The following RASAL2 variants were observed in gnomAD, a reference collection of about 807,000 sequenced individuals.
The protein encoded by RASAL2 is ras GTPase-activating protein nGAP.
RASAL2 carries 58 observed loss-of-function variants against 128.9 expected under a neutral mutation model. The observed-to-expected ratio is 0.45, with a 90% CI of 0.36 to 0.56. The LOEUF (loss-of-function observed/expected upper bound fraction) is 0.56. Ranked by LOEUF, RASAL2 falls within the 20% of genes least tolerant of loss-of-function variation. RASAL2 has a pLI of 0.00. For missense variants in RASAL2, 1,360 were observed against 1,601.6 expected, an observed-to-expected ratio of 0.85 and a Z score of 2.57; for synonymous variants, 561 against 580.8, an observed-to-expected ratio of 0.97 and a Z score of 0.49.
intron 1 of RASAL2, among the ~76,000 whole-genome samples, chr1:178,164,506 C>CGTGTGTGTGTGT (rs3040802): frequency 3.4e-5 from 3 of 89,400 alleles, no homozygotes; most frequent in Non-Finnish European, 7.8e-5. Context: ...TGTGTGTGTG[C>CGTGTGTGTGTGT]GTGTGTGTGT....
chr1:178,453,504 C>A (rs1677537571), intron 11 of RASAL2, among the ~76,000 whole-genome samples: 1 of 151,736 alleles, frequency 6.6e-6, no homozygotes, highest in Admixed American at 6.6e-5. Flanking sequence ...ATTGTATATT[C>A]TTTCAACTTT....
chr1:178,269,951 C>T (rs1227180284), intron 1 of RASAL2, among the ~76,000 whole-genome samples: 2 of 152,112 alleles, frequency 1.3e-5, no homozygotes, highest in African/African-American at 4.8e-5. Context: ...GGTATTTTTC[C>T]TGATTAGCAG....
In RASAL2 at chr1:178,475,137, G is replaced by C. The variant is rs554988248; in HGVS notation, c.*1898G>C. 6.6e-6 allele frequency: 1 copy of C among 152,256 alleles called. No homozygotes were observed. The highest frequency in any genetic ancestry group is 2.1e-4 in the South Asian group (1 of 4,820). 9.4% of individuals were successfully genotyped at this position (152,256 alleles called of 1,614,324 possible). The stretch of plus-strand genomic sequence containing the variant: ...CTTACGTTTCAGCAACCTCACCATG[G>C]CCACATAACCCACAACCTTTTAAAA... On this transcript the variant is annotated 3_prime_UTR_variant, in exon 18 of 18. Transcript: ENST00000367649.
chr1:178,395,679 A>G (rs1432189860), intron 4 of RASAL2, among the ~76,000 whole-genome samples: 1 of 151,608 alleles, frequency 6.6e-6, no homozygotes, highest in African/African-American at 2.4e-5. Flanking sequence ...AAGACTCTCT[A>G]TCCGTGTTTC....
At chr1:178,374,152 A>C (rs1049467473) in intron 3 of RASAL2, among the ~76,000 whole-genome samples, 9 of 152,148 alleles carry the variant, frequency 5.9e-5, no homozygotes, top group African/African-American at 2.2e-4. Context: ...CCATCTGTGG[A>C]TAAACAGGAA....
chr1:178,384,916 T>C (rs1050848294), intron 3 of RASAL2, among the ~76,000 whole-genome samples: 1 of 152,168 alleles, frequency 6.6e-6, no homozygotes, highest in Admixed American at 6.5e-5. Flanking sequence ...TATGCAAATA[T>C]TATATGGCAT....
chr1:178,379,207 G>T (rs1050266578), intron 3 of RASAL2, among the ~76,000 whole-genome samples: 3 of 152,114 alleles, frequency 2.0e-5, no homozygotes, highest in African/African-American at 7.2e-5. Context: ...AATTAGGCCT[G>T]TGACCTGTAA....
chr1:178,463,540 G>A (rs569835959), intron 14 of RASAL2, among the ~76,000 whole-genome samples: 1 of 152,252 alleles, frequency 6.6e-6, no homozygotes, highest in South Asian at 2.1e-4. Context: ...TAGGAAAATA[G>A]ACTACCCAGT....
chr1:178,391,161 G>A, intron 4 of RASAL2, among the ~76,000 whole-genome samples: 1 of 152,118 alleles, frequency 6.6e-6, no homozygotes, highest in East Asian at 1.9e-4. Flanking sequence ...TGTAATCCTA[G>A]CATTTTTGGG....
intron 1 of RASAL2, among the ~76,000 whole-genome samples, chr1:178,196,365 A>G (rs1662659335): frequency 6.6e-6 from 1 of 152,212 alleles, no homozygotes; most frequent in Non-Finnish European, 1.5e-5. Flanking sequence ...AAAGATTAAA[A>G]TTCAGAATAA....
At chr1:178,230,010 T>C (rs1388052052) in intron 1 of RASAL2, among the ~76,000 whole-genome samples, 2 of 152,164 alleles carry the variant, frequency 1.3e-5, no homozygotes, top group Admixed American at 1.3e-4. Flanking sequence ...TTTTCTATTA[T>C]AGATTAGTTT....
At chr1:178,099,306 G>A (rs1571469180) in intron 1 of RASAL2, among the ~76,000 whole-genome samples, 1 of 152,202 alleles carries the variant, frequency 6.6e-6, no homozygotes, top group Non-Finnish European at 1.5e-5. Flanking sequence ...GCTTGTTGAT[G>A]TATTAGTTTC....
intron 3 of RASAL2, among the ~76,000 whole-genome samples, chr1:178,342,322 T>C (rs1187889830): frequency 1.3e-5 from 2 of 152,228 alleles, no homozygotes; most frequent in African/African-American, 4.8e-5. Context: ...AGAATTGAAA[T>C]GAAAACCCAG....
At chr1:178,391,312 A>T (rs1184521125) in intron 4 of RASAL2, among the ~76,000 whole-genome samples, 2 of 152,212 alleles carry the variant, frequency 1.3e-5, no homozygotes, top group African/African-American at 4.8e-5. Context: ...CTATTTTTTT[A>T]AAAAGTGGAA....
At position 178,180,644 on chromosome 1, in the gene RASAL2, G is replaced by GT. The variant is rs1346435546; in HGVS notation, c.202+85951dup. Among the ~76,000 whole-genome samples, 26 of 128,878 alleles carry GT rather than the reference G, an allele frequency of 2.0e-4. No individual in the cohort carries two copies. In the Admixed American group the frequency reaches 2.1e-3, roughly 10 times the overall value. 84.5% of individuals were successfully genotyped at this position (128,878 alleles called of 152,430 possible). A position where few individuals can be genotyped will look rare whatever the true frequency, so the allele number is the denominator to read the frequency against. On this transcript the variant is annotated intron_variant, in intron 1 of 17. Transcript: ENST00000367649. ...ATCACAGCACTGCATTCAAGCCTGGGTGATGGAGCGAGACTGTCTCACACA... is the reference window on the plus strand; with the variant it reads ...ATCACAGCACTGCATTCAAGCCTGGGTTGATGGAGCGAGACTGTCTCACACA...
chr1:178,206,216 G>C (rs6659937), intron 1 of RASAL2, among the ~76,000 whole-genome samples: 1 of 152,190 alleles, frequency 6.6e-6, no homozygotes, highest in Non-Finnish European at 1.5e-5. Flanking sequence ...GGAAAGAGGG[G>C]TAGCATTCTG....
At chr1:178,333,799 C>G (rs565346400) in intron 3 of RASAL2, among the ~76,000 whole-genome samples, 71 of 152,300 alleles carry the variant, frequency 4.7e-4, no homozygotes, top group African/African-American at 1.7e-3. Flanking sequence ...AATTACTTCT[C>G]TACTCACTGA....
chr1:178,278,257 C>A (rs1177640094), intron 1 of RASAL2, among the ~76,000 whole-genome samples: 1 of 152,126 alleles, frequency 6.6e-6, no homozygotes, highest in African/African-American at 2.4e-5. Flanking sequence ...TGCTTTGTTC[C>A]CCTTACTGCA....
chr1:178,324,813 A>G (rs1231114022), intron 3 of RASAL2, among the ~76,000 whole-genome samples: 2 of 152,120 alleles, frequency 1.3e-5, no homozygotes, highest in Non-Finnish European at 2.9e-5. Flanking sequence ...AGAAGGATTT[A>G]TAAATCAGAT....
Sources: gnomAD v4.1 joint callset for allele counts (sites outside exome capture counted in the v4.1 genomes callset) on GRCh38, gnomAD v4.1.1 for gene constraint, MANE v1.5 for transcripts, NCBI Gene and HGNC (gene_info 2026-07-23, HGNC 2026-07-21) for gene names.